The following PDE3A variants were observed in gnomAD, a reference collection of about 807,000 sequenced individuals.
PDE3A encodes cGMP-inhibited 3',5'-cyclic phosphodiesterase 3A.
Under a neutral mutation model 98.3 loss-of-function variants are expected in PDE3A, and 43 were observed. That is an observed-to-expected ratio of 0.44 (90% confidence interval 0.34 to 0.56). PDE3A has a LOEUF of 0.56. Among genes scored for constraint, PDE3A ranks in the 20% least tolerant of loss-of-function variants. PDE3A has a pLI of 0.01. For missense variants in PDE3A, 1,427 were observed against 1,440.7 expected, an observed-to-expected ratio of 0.99 and a Z score of 0.15; for synonymous variants, 663 against 567.9, an observed-to-expected ratio of 1.17 and a Z score of -2.38.
chr12:20,541,762 A>T (rs980013325), intron 1 of PDE3A, among the ~76,000 whole-genome samples: 3 of 152,098 alleles, frequency 2.0e-5, no homozygotes, highest in Admixed American at 2.0e-4. Context: ...TTGTAAACAA[A>T]CCTCTGAAAT....
rs200052001 is a variant in PDE3A at position 20,369,577 on chromosome 12, C to A, written c.293C>A (p.Ala98Glu). 8.0e-4 allele frequency: 1,238 copies of A among 1,549,460 alleles called. 1 individual carries two copies. The highest frequency in any genetic ancestry group is 9.9e-4 in the Non-Finnish European group (1,140 of 1,148,366). ...GAGCAGTGTAAGGAGGCGGCGGCGGCGGAGGAGGAGGAAGCAGCCCCGGGA... is the reference window on the plus strand; with the variant it reads ...GAGCAGTGTAAGGAGGCGGCGGCGGAGGAGGAGGAGGAAGCAGCCCCGGGA... ...DLEQCKEAAAAEEEEAAPGAE... is the reference protein window; with the variant it reads ...DLEQCKEAAAEEEEEAAPGAE... The change falls in exon 1 of 16, where the codon GCG becomes GAG. Residue 98 changes from alanine to glutamate, a missense_variant. Ala to Glu is a moderately radical substitution (Grantham distance 107). Coordinates refer to ENST00000359062, the MANE Select transcript of PDE3A (RefSeq NM_000921.5).
At chr12:20,395,571 C>T (rs1944000609) in intron 1 of PDE3A, among the ~76,000 whole-genome samples, 1 of 108,786 alleles carries the variant, frequency 9.2e-6, no homozygotes, top group Non-Finnish European at 1.9e-5. Flanking sequence ...TATATATATA[C>T]ATAGTATTAT....
In PDE3A at chr12:20,552,391, G is replaced by A. The variant is rs952957764; in HGVS notation, c.961-4269G>A. On this transcript the variant is annotated intron_variant, in intron 1 of 15. Coordinates refer to ENST00000359062, the MANE Select transcript of PDE3A (RefSeq NM_000921.5). This position sits in a 1 kb window ranked among gnomAD's most constrained non-coding sequence, Gnocchi z 5.1. ...TCTGCGGAGGGACGATGATGAGCCCGGCCCTTGGACGAAGGAGGGGAAGGA... is the reference window on the plus strand; with the variant it reads ...TCTGCGGAGGGACGATGATGAGCCCAGCCCTTGGACGAAGGAGGGGAAGGA... 84 of 1,613,438 alleles carry A rather than the reference G, an allele frequency of 5.2e-5. No homozygotes were observed. In the Admixed American group the frequency reaches 6.8e-4, roughly 13 times the overall value.
At chr12:20,529,329 T>C (rs1485539980) in intron 1 of PDE3A, among the ~76,000 whole-genome samples, 1 of 152,156 alleles carries the variant, frequency 6.6e-6, no homozygotes, top group East Asian at 1.9e-4. Context: ...CCCCTTTAGG[T>C]ATAATAATAA....
rs1946033145 is a variant in PDE3A, at chr12:20,688,248, C to T, written c.*7977C>T. ...AATTGAAATAAATCTTGTCCTTTCA[C>T]CTATATCTTCCATTTAATATATGTA... On this transcript the variant is annotated 3_prime_UTR_variant, in exon 16 of 16. Transcript: ENST00000359062. 6.6e-6 allele frequency among the ~76,000 whole-genome samples: 1 copy of T among 151,880 alleles called. No individual in the cohort carries two copies. The highest frequency in any genetic ancestry group is 2.4e-5 in the African/African-American group (1 of 41,388).
chr12:20,627,976 C>A (rs533345557), intron 5 of PDE3A, among the ~76,000 whole-genome samples: 1 of 152,130 alleles, frequency 6.6e-6, no homozygotes, highest in African/African-American at 2.4e-5. Flanking sequence ...CCCTTTTTAA[C>A]CTTTACATCA....
Position 20,602,242 on chromosome 12 carries a change from A to T in PDE3A, c.1012-11201A>T, listed in dbSNP as rs368180443. On this transcript the variant is annotated intron_variant, in intron 2 of 15. Transcript: ENST00000359062. ...TTTGCCAGCTACATCATCTTTTCTAATTAAGAGAAAGAGAGAAAACCAGCG... is the reference window on the plus strand; with the variant it reads ...TTTGCCAGCTACATCATCTTTTCTATTTAAGAGAAAGAGAGAAAACCAGCG... Among the ~76,000 whole-genome samples, 48 of 152,286 alleles carry T rather than the reference A, an allele frequency of 3.2e-4. 2 individuals carry two copies. In the South Asian group the frequency reaches 1.0e-2, roughly 32 times the overall value.
At chr12:20,626,685 A>T (rs377601453) in intron 5 of PDE3A, among the ~76,000 whole-genome samples, 2 of 152,036 alleles carry the variant, frequency 1.3e-5, no homozygotes, top group Non-Finnish European at 2.9e-5. Context: ...TTTAGTAGAG[A>T]TGGGGTTTCA....
intron 1 of PDE3A, among the ~76,000 whole-genome samples, chr12:20,539,235 C>G (rs942427963): frequency 2.0e-5 from 3 of 152,068 alleles, no homozygotes; most frequent in East Asian, 3.9e-4. Flanking sequence ...GTCTAAAACA[C>G]AAAATTTATT....
chr12:20,470,481 A>G (rs1945417963), intron 1 of PDE3A, among the ~76,000 whole-genome samples: 1 of 152,094 alleles, frequency 6.6e-6, no homozygotes, highest in African/African-American at 2.4e-5. Context: ...GAACCACCTG[A>G]TTACAAAGCT....
chr12:20,404,422 A>G (rs1460384218), intron 1 of PDE3A, among the ~76,000 whole-genome samples: 1 of 152,176 alleles, frequency 6.6e-6, no homozygotes, highest in Non-Finnish European at 1.5e-5. Context: ...CTGTAGGTTA[A>G]AAAAGAAAAG....
At position 20,685,794 on chromosome 12, in the gene PDE3A, A is replaced by G. The variant is rs1326805066; in HGVS notation, c.*5523A>G. Among the ~76,000 whole-genome samples, 2 of 152,164 alleles carry G rather than the reference A, an allele frequency of 1.3e-5. No homozygotes were observed. Among genetic ancestry groups the G allele is most frequent in the Non-Finnish European group, 2.9e-5 (2 of 68,014 alleles). On this transcript the variant is annotated 3_prime_UTR_variant, in exon 16 of 16. Coordinates refer to ENST00000359062, the MANE Select transcript of PDE3A (RefSeq NM_000921.5). ...CAGATAAAAAATGTTGAACATGTTC[A>G]TGTTCTGACAATGAAGCAATGATTT...
rs541392387 is a variant in PDE3A at position 20,668,596 on chromosome 12, C to A, written c.3185-11434C>A. Among the ~76,000 whole-genome samples, 106 of 152,294 alleles carry A rather than the reference C, an allele frequency of 7.0e-4. 1 individual carries two copies. In the Middle Eastern group the frequency reaches 0.01, roughly 15 times the overall value. ...ACCCCCCAGTAGAGGAACACTGACA[C>A]CTCACATGGCAGGGTACTCCAACAG... On this transcript the variant is annotated intron_variant, in intron 15 of 15. Coordinates refer to ENST00000359062, the MANE Select transcript of PDE3A (RefSeq NM_000921.5).
chr12:20,672,992 C>A (rs987717575), intron 15 of PDE3A, among the ~76,000 whole-genome samples: 4 of 151,382 alleles, frequency 2.6e-5, no homozygotes, highest in African/African-American at 9.7e-5. Context: ...TGAACTCATA[C>A]AAATTTACAA....
intron 1 of PDE3A, among the ~76,000 whole-genome samples, chr12:20,408,533 C>T (rs183798947): frequency 3.9e-5 from 6 of 152,140 alleles, no homozygotes; most frequent in African/African-American, 1.4e-4. Context: ...TTGCAGATGG[C>T]GTTCATTAAA....
intron 5 of PDE3A, among the ~76,000 whole-genome samples, chr12:20,628,706 G>A (rs1286099479): frequency 6.6e-6 from 1 of 152,090 alleles, no homozygotes; most frequent in African/African-American, 2.4e-5. Flanking sequence ...TGAAGCAAGG[G>A]GAGAGTGAGA....
intron 1 of PDE3A, among the ~76,000 whole-genome samples, chr12:20,485,563 G>T (rs1381207940): frequency 6.6e-6 from 1 of 152,050 alleles, no homozygotes; most frequent in East Asian, 1.9e-4. Context: ...ATAAGACAAA[G>T]TAAGATTATT....
At chr12:20,662,262 G>T (rs1467001039) in intron 15 of PDE3A, among the ~76,000 whole-genome samples, 1 of 152,148 alleles carries the variant, frequency 6.6e-6, no homozygotes, top group Non-Finnish European at 1.5e-5. Flanking sequence ...TTGTTGAATG[G>T]CACTGACCAA....
At chr12:20,434,367 C>G (rs1289916139) in intron 1 of PDE3A, among the ~76,000 whole-genome samples, 4 of 152,074 alleles carry the variant, frequency 2.6e-5, no homozygotes, top group Admixed American at 1.3e-4. Context: ...GTGGGGTGTT[C>G]TGTGTATACA....
Sources: gnomAD v4.1 joint callset for allele counts (sites outside exome capture counted in the v4.1 genomes callset) on GRCh38, gnomAD v4.1.1 for gene constraint, Gnocchi (gnomAD v3.1) non-coding constraint, MANE v1.5 for transcripts, NCBI Gene and HGNC (gene_info 2026-07-23, HGNC 2026-07-21) for gene names.